The following CYP2A13 variants were observed in gnomAD, a reference collection of about 807,000 sequenced individuals.
CYP2A13 encodes the protein cytochrome P450 family 2 subfamily A member 13.
CYP2A13 carries 30 observed loss-of-function variants against 39.4 expected under a neutral mutation model. The ratio of observed to expected loss-of-function variants is 0.76; its 90% CI spans 0.57 to 1.03. The LOEUF (loss-of-function observed/expected upper bound fraction) is 1.03. Ranked by LOEUF, CYP2A13 falls within the 50% of genes least tolerant of loss-of-function variation. CYP2A13 has a pLI of 0.00. For synonymous variants in CYP2A13, 269 were observed against 254.7 expected (o/e 1.06, Z -0.54); for missense variants, 731 against 648.4 (o/e 1.13, Z -1.38).
rs866594422 is a variant in CYP2A13, at chr19:41,088,531, G to T, written c.60G>T (p.Leu20Phe). 1.2e-6 allele frequency: 2 copies of T among 1,614,068 alleles called. No homozygotes were observed. The highest frequency in any genetic ancestry group is 2.2e-5 in the South Asian group (2 of 91,080). ...TLLACLTVMV[L>F]MSVWRQRKSR... ...TGGCCTGCCTGACTGTGATGGTCTT[G>T]ATGTCAGTCTGGCGGCAGAGGAAGA... The change falls in exon 1 of 9, where the codon TTG becomes TTT. Residue 20 changes from leucine to phenylalanine, a missense_variant. Transcript: ENST00000330436.
intron 2 of CYP2A13, 34 bp from the exon 3 acceptor site, chr19:41,090,012 CT>C: frequency 6.3e-7 from 1 of 1,596,714 alleles, no homozygotes; most frequent in Non-Finnish European, 8.5e-7. Flanking sequence ...CCGCCGCCCC[CT>C]GACCTCTCTC....
intron 2 of CYP2A13, 117 bp downstream of exon 2, chr19:41,089,208 T>A: frequency 6.6e-7 from 1 of 1,522,998 alleles, no homozygotes. Context: ...CCCTGTCTGG[T>A]CTTCTCTCCC....
rs371967251 is a variant in CYP2A13, at chr19:41,094,339, C to T, written c.1068C>T (p.Ile356=). 4 of 1,614,034 alleles carry T rather than the reference C, an allele frequency of 2.5e-6. No homozygotes were observed. The African/African-American group carries it at 5.3e-5, about 22-fold the overall frequency. Residue 356 remains isoleucine (I), a synonymous_variant, in exon 7 of 9, where the codon ATC becomes ATT. Transcript: ENST00000330436. ...AGATGCCCTACACAGAGGCAGTGAT[C>T]CACGAGATCCAAAGATTTGGAGACA... The part of the protein sequence containing the change: ...RAKMPYTEAV[I]HEIQRFGDML...
Position 41,095,968 on chromosome 19 carries a change from GT to G in CYP2A13, c.*28del. On this transcript the variant is annotated 3_prime_UTR_variant, in exon 9 of 9. Coordinates refer to ENST00000330436, the MANE Select transcript of CYP2A13 (RefSeq NM_000766.5). ...CGAGGGCTGTGCTGGTGCAGGGCTGGTGGGCGGGGCCAGGGAAACGGCCGGG... is the reference window on the plus strand; with the variant it reads ...CGAGGGCTGTGCTGGTGCAGGGCTGGGGGCGGGGCCAGGGAAACGGCCGGG... The G allele has an allele frequency of 6.2e-7, 1 of 1,613,528 alleles. No individual in the cohort carries two copies. Among genetic ancestry groups the G allele is most frequent in the South Asian group, 1.1e-5 (1 of 91,064 alleles).
At chr19:41,094,544 A>C in intron 7 of CYP2A13, 112 bp downstream of exon 7, 1 of 1,289,700 alleles carries the variant, frequency 7.8e-7, no homozygotes. Context: ...CACTCCCTCA[A>C]TCAGTCAAAA....
chr19:41,092,267 G>T (rs972959927), intron 5 of CYP2A13, among the ~76,000 whole-genome samples: 1 of 141,250 alleles, frequency 7.1e-6, no homozygotes, highest in Admixed American at 7.6e-5. Context: ...AGTGAGCCGG[G>T]ATCATGCCAC....
chr19:41,092,010 T>A, intron 5 of CYP2A13, 102 bp downstream of exon 5: 4 of 1,516,502 alleles, frequency 2.6e-6, no homozygotes, highest in Non-Finnish European at 3.6e-6. Flanking sequence ...AAATTAGCCC[T>A]CGTCATAATA....
chr19:41,089,306 CGTCTCCTCCTTCTCTCTCACTGGA>C (rs1466870840), intron 2 of CYP2A13, among the ~76,000 whole-genome samples: 1 of 152,114 alleles, frequency 6.6e-6, no homozygotes, highest in Non-Finnish European at 1.5e-5. Context: ...CTCTCTGCCC[CGTCTCCTCCTTCTCTCTCACTGGA>C]GTCTCCTCTT....
At position 41,090,412 on chromosome 19, in the gene CYP2A13, A is replaced by G. The variant is rs147197040; in HGVS notation, c.502A>G (p.Ile168Val). 1.9e-6 allele frequency: 3 copies of G among 1,613,988 alleles called. No homozygotes were observed. The African/African-American group carries it at 4.0e-5, about 22-fold the overall frequency. ...DALRGTHGAN[I>V]DPTFFLSRTV... The stretch of plus-strand genomic sequence containing the variant: ...TCCCGCCACACCTGCAGGCGCCAAT[A>G]TCGATCCCACCTTCTTCCTGAGCCG... The change falls in exon 4 of 9, where the codon ATC (isoleucine) becomes GTC (valine). Residue 168 changes from isoleucine (I) to valine (V), a missense_variant. Transcript: ENST00000330436.
At chr19:41,092,008 C>T in intron 5 of CYP2A13, 100 bp downstream of exon 5, 1 of 1,521,952 alleles carries the variant, frequency 6.6e-7, no homozygotes, top group Non-Finnish European at 8.9e-7. Context: ...TCAAATTAGC[C>T]CTCGTCATAA....
intron 5 of CYP2A13, 42 bp downstream of exon 5, chr19:41,091,950 A>G (rs2031199868): frequency 6.2e-7 from 1 of 1,607,238 alleles, no homozygotes; most frequent in Non-Finnish European, 8.5e-7. Context: ...AAAGCCAGGG[A>G]GAGGGAAATC....
At chr19:41,093,088 C>A (rs1421244111) in intron 5 of CYP2A13, among the ~76,000 whole-genome samples, 1 of 151,924 alleles carries the variant, frequency 6.6e-6, no homozygotes, top group African/African-American at 2.4e-5. Context: ...GCCTGCGGTC[C>A]CAGCTACTAA....
intron 4 of CYP2A13, 147 bp downstream of exon 4, chr19:41,090,711 A>ACCAGAACCCAGGAGGGATGC: frequency 7.6e-7 from 1 of 1,317,152 alleles, no homozygotes; most frequent in South Asian, 1.4e-5. Context: ...GGACGGTTGC[A>ACCAGAACCCAGGAGGGATGC]CCAGAACCCA....
Position 41,090,507 on chromosome 19 carries a change from G to A in CYP2A13, c.597G>A (p.Leu199=), listed in dbSNP as rs372831733. The A allele has an allele frequency of 1.2e-6, 2 of 1,614,144 alleles. No homozygotes were observed. Among genetic ancestry groups the A allele is most frequent in the Admixed American group, 1.7e-5 (1 of 60,024 alleles). Residue 199 remains leucine (L), a synonymous_variant, in exon 4 of 9, where the codon CTG becomes CTA. Transcript: ENST00000330436. ...TTGACTATGAGGACAAAGAGTTCCT[G>A]TCACTGTTGCGCATGATGCTGGGAA... is the stretch of plus-strand genomic sequence containing the variant. ...DRFDYEDKEF[L]SLLRMMLGSF... is the part of the protein sequence containing the mutation.
intron 1 of CYP2A13, 96 bp from the exon 2 acceptor site, chr19:41,088,833 C>T: frequency 1.3e-6 from 2 of 1,560,758 alleles, no homozygotes; most frequent in Non-Finnish European, 1.7e-6. Context: ...ACTGTGAGAA[C>T]CTGGGGGCGA....
Position 41,088,584 on chromosome 19 carries a change from C to A in CYP2A13, c.113C>A (p.Thr38Asn), listed in dbSNP as rs748268989. The change falls in exon 1 of 9, where the codon ACC becomes AAC. Residue 38 changes from threonine (T) to asparagine (N), a missense_variant. By Grantham distance (65) the Thr-to-Asn change is moderately conservative. Transcript: ENST00000330436. ...KSRGKLPPGP[T>N]PLPFIGNYLQ... Reference sequence around the variant, plus strand: ...AGGGGGAAGCTGCCTCCGGGACCCACCCCATTGCCCTTCATTGGAAACTAC... The same window carrying A: ...AGGGGGAAGCTGCCTCCGGGACCCAACCCATTGCCCTTCATTGGAAACTAC... The A allele has an allele frequency of 3.7e-6, 6 of 1,614,022 alleles. No individual in the cohort carries two copies. Among genetic ancestry groups the A allele is most frequent in the South Asian group, 2.2e-5 (2 of 91,066 alleles).
At chr19:41,090,607 G>A (rs968151768) in intron 4 of CYP2A13, 43 bp downstream of exon 4, 1 of 1,613,264 alleles carries the variant, frequency 6.2e-7, no homozygotes, top group Admixed American at 1.7e-5. Context: ...ACCACAACCT[G>A]CCAACTGCTC....
Position 41,095,927 on chromosome 19 carries a change from T to C in CYP2A13, c.1471T>C (p.Phe491Leu). Reference sequence around the variant, plus strand: ...GATCCCACGAAACTACACCATGAGCTTCCTGCCCCGCTGAGCGAGGGCTGT... The same window carrying C: ...GATCCCACGAAACTACACCATGAGCCTCCTGCCCCGCTGAGCGAGGGCTGT... ...ATIPRNYTMS[F>L]LPR The change falls in exon 9 of 9, where the codon TTC becomes CTC. Residue 491 changes from phenylalanine (F) to leucine (L), a missense_variant. Physicochemically the swap from Phe to Leu is conservative, Grantham distance 22 (BLOSUM62 0). Coordinates refer to ENST00000330436, the MANE Select transcript of CYP2A13 (RefSeq NM_000766.5). The C allele has an allele frequency of 6.2e-7, 1 of 1,612,656 alleles. No homozygotes were observed. The highest frequency in any genetic ancestry group is 8.5e-7 in the Non-Finnish European group (1 of 1,179,264).
chr19:41,088,917 T>C lies in CYP2A13; in HGVS notation c.181-12T>C, dbSNP rs529585228. 133 of 1,613,484 alleles carry C rather than the reference T, an allele frequency of 8.2e-5. 1 individual carries two copies. The highest frequency in any genetic ancestry group is 4.0e-4 in the East Asian group (18 of 44,872). ...GCTGCTCCCTCTAACCACTCCCACCTGCCTCCAACAGATCAGTGAGCGCTA... is the reference window on the plus strand; with the variant it reads ...GCTGCTCCCTCTAACCACTCCCACCCGCCTCCAACAGATCAGTGAGCGCTA... On this transcript the variant is annotated splice_polypyrimidine_tract_variant and intron_variant, in intron 1 of 8. Transcript: ENST00000330436.
Sources: gnomAD v4.1 joint callset for allele counts (sites outside exome capture counted in the v4.1 genomes callset) on GRCh38, gnomAD v4.1.1 for gene constraint, MANE v1.5 for transcripts, NCBI Gene and HGNC (gene_info 2026-07-23, HGNC 2026-07-21) for gene names.